OSBPL6: variants seen among roughly 807,000 people sequenced by gnomAD.
OSBPL6 encodes the protein oxysterol binding protein like 6.
Under a neutral mutation model 125.8 loss-of-function variants are expected in OSBPL6, and 49 were observed. The ratio of observed to expected loss-of-function variants is 0.39; its 90% CI spans 0.31 to 0.49. OSBPL6 has a LOEUF of 0.49. OSBPL6 is among the 20% of genes least tolerant of loss of function. The probability of loss-of-function intolerance (pLI) is 0.88; values close to 1 mark genes in which losing one functional copy is unlikely to be tolerated. For missense variants in OSBPL6, 986 were observed against 1,135.4 expected, an observed-to-expected ratio of 0.87 and a Z score of 1.89; for synonymous variants, 394 against 391.8, an observed-to-expected ratio of 1.01 and a Z score of -0.07.
intron 3 of OSBPL6, among the ~76,000 whole-genome samples, chr2:178,312,808 G>A: frequency 6.6e-6 from 1 of 151,974 alleles, no homozygotes; most frequent in East Asian, 1.9e-4. Context: ...TATATTTTAT[G>A]GTCACATTAT....
At chr2:178,383,346 T>G in intron 17 of OSBPL6, 69 bp downstream of exon 17, 1 of 1,529,550 alleles carries the variant, frequency 6.5e-7, no homozygotes, top group Non-Finnish European at 8.8e-7. Context: ...TAAGCCAGAA[T>G]TCATTATGAT....
chr2:178,381,959 T>G (rs1020865471), intron 15 of OSBPL6, among the ~76,000 whole-genome samples: 1 of 152,190 alleles, frequency 6.6e-6, no homozygotes, highest in Non-Finnish European at 1.5e-5. Flanking sequence ...TGTGCTTCTG[T>G]CCCTTCTAAT....
Position 178,328,421 on chromosome 2 carries a change from TAAA to T in OSBPL6, c.318+44_318+46del, listed in dbSNP as rs749629975. On this transcript the variant is annotated intron_variant, in intron 5 of 24. Transcript: ENST00000190611. ...TTCAGGTTCAGACCATCTTCATAAA[TAAA>T]GAAGATCTTATTTGCTATCATGGGG... is the stretch of plus-strand genomic sequence containing the variant. 3.8e-6 allele frequency: 6 copies of T among 1,594,502 alleles called. No individual in the cohort carries two copies. The East Asian group carries it at 1.3e-4, about 36-fold the overall frequency.
intron 1 of OSBPL6, among the ~76,000 whole-genome samples, chr2:178,195,592 T>C (rs970955282): frequency 2.0e-5 from 3 of 152,246 alleles, no homozygotes; most frequent in African/African-American, 4.8e-5. Flanking sequence ...TTCTATGATA[T>C]ACCTGAACGG....
chr2:178,385,089 G>T (rs944021361), intron 18 of OSBPL6, among the ~76,000 whole-genome samples: 1 of 152,134 alleles, frequency 6.6e-6, no homozygotes, highest in Non-Finnish European at 1.5e-5. Context: ...CTGTTGGGGG[G>T]TGGCGAGCAA....
intron 2 of OSBPL6, among the ~76,000 whole-genome samples, chr2:178,290,799 C>T (rs961409402): frequency 4.6e-5 from 7 of 151,734 alleles, no homozygotes; most frequent in Non-Finnish European, 8.8e-5. Flanking sequence ...CATGGGTTGT[C>T]AGTGTTTCCA....
chr2:178,199,473 G>T (rs752769397), intron 1 of OSBPL6, among the ~76,000 whole-genome samples: 80 of 152,042 alleles, frequency 5.3e-4, no homozygotes, highest in Middle Eastern at 3.2e-3. Context: ...TAGGTTTGGG[G>T]CCAAATCCTA....
At chr2:178,197,668 A>G (rs923523356) in intron 1 of OSBPL6, among the ~76,000 whole-genome samples, 1 of 152,230 alleles carries the variant, frequency 6.6e-6, no homozygotes, top group African/African-American at 2.4e-5. Flanking sequence ...AAAGTTATGT[A>G]AATGTGGTTT....
At position 178,395,763 on chromosome 2, in the gene OSBPL6, C is replaced by A; in HGVS notation, c.*204C>A. 1.7e-5 allele frequency: 7 copies of A among 409,104 alleles called. No homozygotes were observed. The highest frequency in any genetic ancestry group is 1.8e-5 in the South Asian group (1 of 54,838). 25.3% of individuals were successfully genotyped at this position (409,104 alleles called of 1,614,324 possible). A position where few individuals can be genotyped will look rare whatever the true frequency, so the allele number is the denominator to read the frequency against. On this transcript the variant is annotated 3_prime_UTR_variant, in exon 25 of 25. Coordinates refer to ENST00000190611, the MANE Select transcript of OSBPL6 (RefSeq NM_032523.4). ...GGGATCCTTTCTGTTTTGCTGCAAC[C>A]ATATTCCTTAAAAAAAAAAAAAAAA...
At chr2:178,376,300 C>T (rs1693869176) in intron 15 of OSBPL6, among the ~76,000 whole-genome samples, 2 of 152,152 alleles carry the variant, frequency 1.3e-5, no homozygotes, top group Admixed American at 1.3e-4. Flanking sequence ...CTCATATCGC[C>T]TATCTAAGTG....
chr2:178,276,013 A>G (rs1440130928), intron 1 of OSBPL6, among the ~76,000 whole-genome samples: 1 of 152,238 alleles, frequency 6.6e-6, no homozygotes, highest in East Asian at 1.9e-4. Context: ...AAGCAAATGT[A>G]ATTGAGTTAA....
intron 23 of OSBPL6, 23 bp from the exon 24 acceptor site, chr2:178,394,290 A>G: frequency 6.2e-7 from 1 of 1,603,378 alleles, no homozygotes; most frequent in Non-Finnish European, 8.5e-7. Context: ...AATATGTTAA[A>G]ATATCAACTG....
chr2:178,381,024 C>G (rs1376946118), intron 15 of OSBPL6, among the ~76,000 whole-genome samples: 1 of 152,168 alleles, frequency 6.6e-6, no homozygotes, highest in Non-Finnish European at 1.5e-5. Context: ...TCATACTCAT[C>G]TGTTTACTCT....
intron 1 of OSBPL6, among the ~76,000 whole-genome samples, chr2:178,216,078 A>G (rs1355937853): frequency 1.3e-5 from 2 of 152,188 alleles, no homozygotes; most frequent in Non-Finnish European, 2.9e-5. Flanking sequence ...ATCAATCCAT[A>G]GGACCTTGGT....
intron 13 of OSBPL6, 121 bp from the exon 14 acceptor site, chr2:178,372,005 C>T: frequency 1.5e-6 from 1 of 645,788 alleles, no homozygotes; most frequent in South Asian, 2.5e-5. Context: ...CTCATGATGG[C>T]TTCAAAAGTT....
intron 12 of OSBPL6, among the ~76,000 whole-genome samples, chr2:178,352,153 C>T (rs989967027): frequency 1.3e-5 from 2 of 152,216 alleles, no homozygotes; most frequent in African/African-American, 4.8e-5. Flanking sequence ...CTCCATTCTG[C>T]AGCTCCCAGT....
chr2:178,196,995 A>G (rs368367951), intron 1 of OSBPL6, among the ~76,000 whole-genome samples: 36 of 151,098 alleles, frequency 2.4e-4, no homozygotes, highest in African/African-American at 8.2e-4. Flanking sequence ...TATGTGTCTT[A>G]TAACGCAGTA....
Position 178,396,899 on chromosome 2 carries a change from G to A in OSBPL6, c.*1340G>A, listed in dbSNP as rs1275792677. ...AACTTGCATCAGTATTCCTGTTTCT[G>A]CACGTAGGTGACTATATAAATGCCT... On this transcript the variant is annotated 3_prime_UTR_variant, in exon 25 of 25. Transcript: ENST00000190611. 1.3e-5 allele frequency: 2 copies of A among 152,106 alleles called. No individual in the cohort carries two copies. The highest frequency in any genetic ancestry group is 1.3e-4 in the Admixed American group (2 of 15,268). The allele number at this position is 152,106 out of a possible 1,614,324, so 9.4% of individuals were successfully genotyped here. A position where few individuals can be genotyped will look rare whatever the true frequency, so the allele number is the denominator to read the frequency against.
In OSBPL6 at chr2:178,218,081, A is replaced by G. The variant is rs1386020970; in HGVS notation, c.-351+23407A>G. 3.3e-5 allele frequency among the ~76,000 whole-genome samples: 5 copies of G among 152,300 alleles called. No individual in the cohort carries two copies. In the East Asian group the frequency reaches 9.6e-4, roughly 29 times the overall value. On this transcript the variant is annotated intron_variant, in intron 1 of 24. Transcript: ENST00000190611. ...ACCTGTAAGTTTGAAATTGTTTTAA[A>G]ATAAATTTTTTAAGGTTTCAAGAAC...
Sources: allele counts gnomAD v4.1 joint callset (sites outside exome capture counted in the v4.1 genomes callset), GRCh38; gene constraint gnomAD v4.1.1; transcripts MANE v1.5; gene names NCBI Gene and HGNC (gene_info 2026-07-23, HGNC 2026-07-21).